The following KHDRBS2 variants were observed in gnomAD, a reference collection of about 807,000 sequenced individuals.
KHDRBS2 encodes the protein KH domain-containing, RNA-binding, signal transduction-associated protein 2.
KHDRBS2 carries 26 observed loss-of-function variants against 44.3 expected under a neutral mutation model. That is an observed-to-expected ratio of 0.59 (90% CI 0.43 to 0.81). The LOEUF (loss-of-function observed/expected upper bound fraction) is 0.81. KHDRBS2 is among the 40% of genes least tolerant of loss of function. The probability of loss-of-function intolerance (pLI) is 0.00; values close to 1 mark genes in which losing one functional copy is unlikely to be tolerated. For synonymous variants in KHDRBS2, 194 were observed against 151.1 expected (o/e 1.28, Z -2.08); for missense variants, 476 against 433.1 (o/e 1.10, Z -0.88).
At position 61,983,239 on chromosome 6, in the gene KHDRBS2, T is replaced by TCTTTC. The variant is rs1554304684; in HGVS notation, c.337-5028_337-5027insGAAAG. ...TTCTTTCTTTCTTTCTTTCTTTCTT[T>TCTTTC]TTTTTTTTTTTTTTTTTTATAGTGA... is the stretch of plus-strand genomic sequence containing the variant. On this transcript the variant is annotated intron_variant, in intron 3 of 8. Coordinates refer to ENST00000281156, the MANE Select transcript of KHDRBS2 (RefSeq NM_152688.4). Among the ~76,000 whole-genome samples, 137 of 83,200 alleles carry TCTTTC rather than the reference T, an allele frequency of 1.6e-3. 2 individuals are homozygous for TCTTTC. The highest frequency in any genetic ancestry group is 2.7e-3 in the Non-Finnish European group (108 of 39,500). 54.6% of individuals were successfully genotyped at this position (83,200 alleles called of 152,430 possible).
At chr6:62,032,030 G>A (rs1784422021) in intron 3 of KHDRBS2, among the ~76,000 whole-genome samples, 1 of 152,100 alleles carries the variant, frequency 6.6e-6, no homozygotes, top group Non-Finnish European at 1.5e-5. Context: ...AGGTGGCTTA[G>A]AAGAGAGACA....
At chr6:61,700,693 C>T (rs537321660) in intron 7 of KHDRBS2, among the ~76,000 whole-genome samples, 3 of 150,492 alleles carry the variant, frequency 2.0e-5, no homozygotes, top group East Asian at 2.0e-4. Context: ...GATCCTTTCC[C>T]GTTTAAGAAT....
At chr6:62,189,328 T>A (rs1824112892) in intron 1 of KHDRBS2, among the ~76,000 whole-genome samples, 1 of 151,568 alleles carries the variant, frequency 6.6e-6, no homozygotes, top group Non-Finnish European at 1.5e-5. Context: ...CCACCACTTC[T>A]TTTTTTTAAA....
rs147653605 is a variant in KHDRBS2, at chr6:61,893,005, T to A, written c.810+1630A>T. Among the ~76,000 whole-genome samples, 857 of 152,294 alleles carry A rather than the reference T, an allele frequency of 5.6e-3. 10 individuals are homozygous for A. Among genetic ancestry groups the A allele is most frequent in the African/African-American group, 0.019 (788 of 41,542 alleles). On this transcript the variant is annotated intron_variant, in intron 6 of 8. Transcript: ENST00000281156. Reference sequence around the variant, plus strand: ...AGAAAATTTTCACAACCTACTCATCTGACTAAGGGCTAATATCCAGAATCT... The same window carrying A: ...AGAAAATTTTCACAACCTACTCATCAGACTAAGGGCTAATATCCAGAATCT...
chr6:62,203,587 G>A lies in KHDRBS2; in HGVS notation c.92-26275C>T, dbSNP rs185358637. Reference sequence around the variant, plus strand: ...GAGGGAGGAGAACCAGGAGATTTGTGTAAGATGTTATGAGCTTGAGATGTT... The same window carrying A: ...GAGGGAGGAGAACCAGGAGATTTGTATAAGATGTTATGAGCTTGAGATGTT... On this transcript the variant is annotated intron_variant, in intron 1 of 8. Transcript: ENST00000281156. 5.9e-5 allele frequency among the ~76,000 whole-genome samples: 9 copies of A among 152,194 alleles called. No individual in the cohort carries two copies. The East Asian group carries it at 1.4e-3, about 23-fold the overall frequency.
At chr6:61,776,731 G>T (rs1782088687) in intron 6 of KHDRBS2, among the ~76,000 whole-genome samples, 1 of 152,154 alleles carries the variant, frequency 6.6e-6, no homozygotes, top group Non-Finnish European at 1.5e-5. Flanking sequence ...TCAGTGTGGC[G>T]ATTTCTCAGG....
chr6:62,132,534 G>T (rs970098562), intron 2 of KHDRBS2, among the ~76,000 whole-genome samples: 1 of 152,116 alleles, frequency 6.6e-6, no homozygotes, highest in Non-Finnish European at 1.5e-5. Flanking sequence ...TCCTTTAATG[G>T]ATTACATTTA....
At chr6:61,788,648 A>T (rs1454433152) in intron 6 of KHDRBS2, among the ~76,000 whole-genome samples, 2 of 151,286 alleles carry the variant, frequency 1.3e-5, no homozygotes, top group Non-Finnish European at 3.0e-5. Flanking sequence ...GTAAATTCAG[A>T]TAGGCTAATT....
intron 4 of KHDRBS2, among the ~76,000 whole-genome samples, chr6:61,958,183 C>T (rs1163348248): frequency 1.3e-5 from 2 of 152,138 alleles, no homozygotes; most frequent in Admixed American, 6.6e-5. Context: ...AGAAGACACA[C>T]AGAACAATAT....
In KHDRBS2 at chr6:62,246,505, A is replaced by G. The variant is rs143777091; in HGVS notation, c.91+39353T>C. Among the ~76,000 whole-genome samples, 380 of 152,182 alleles carry G rather than the reference A, an allele frequency of 2.5e-3. 3 individuals carry two copies. Among genetic ancestry groups the G allele is most frequent in the African/African-American group, 8.4e-3 (348 of 41,550 alleles). On this transcript the variant is annotated intron_variant, in intron 1 of 8. Coordinates refer to ENST00000281156, the MANE Select transcript of KHDRBS2 (RefSeq NM_152688.4). Reference sequence around the variant, plus strand: ...ACCCAATTCTGTTCTTGTTCTTTGCAGTGTACAGCTCACAAACTTTAAATA... The same window carrying G: ...ACCCAATTCTGTTCTTGTTCTTTGCGGTGTACAGCTCACAAACTTTAAATA...
downstream of KHDRBS2, among the ~76,000 whole-genome samples, chr6:61,675,852 T>A (rs185195902): frequency 5.7e-4 from 87 of 151,954 alleles, no homozygotes; most frequent in Middle Eastern, 3.4e-3. Flanking sequence ...TATGGGATCA[T>A]CTAACCAAGA....
chr6:61,642,794 A>G, the KHDRBS2 span, among the ~76,000 whole-genome samples: 2 of 152,134 alleles, frequency 1.3e-5, no homozygotes, highest in East Asian at 1.9e-4. Flanking sequence ...GTTCTAATCC[A>G]CTTTTGGAAC....
chr6:61,722,912 T>C (rs1455788638), intron 7 of KHDRBS2, among the ~76,000 whole-genome samples: 1 of 152,072 alleles, frequency 6.6e-6, no homozygotes, highest in Non-Finnish European at 1.5e-5. Context: ...GGTTTCACCA[T>C]GTTAGCCAGG....
intron 1 of KHDRBS2, among the ~76,000 whole-genome samples, chr6:62,270,641 A>AC (rs762720228): frequency 1.3e-5 from 2 of 151,996 alleles, no homozygotes; most frequent in Non-Finnish European, 2.9e-5. Flanking sequence ...CTATACAATT[A>AC]CCAAAACTCA....
chr6:62,020,493 T>C (rs1345568399), intron 3 of KHDRBS2, among the ~76,000 whole-genome samples: 1 of 152,030 alleles, frequency 6.6e-6, no homozygotes, highest in African/African-American at 2.4e-5. Context: ...TCAACTCTTC[T>C]CTATCCTTAA....
chr6:62,191,088 C>G (rs1824501448), intron 1 of KHDRBS2, among the ~76,000 whole-genome samples: 1 of 152,120 alleles, frequency 6.6e-6, no homozygotes, highest in South Asian at 2.1e-4. Context: ...GGTATCTGAA[C>G]TGTGTTTATT....
At chr6:61,894,976 T>C (rs1802679483) in intron 5 of KHDRBS2, 143 bp from the exon 6 acceptor site, 1 of 597,158 alleles carries the variant, frequency 1.7e-6, no homozygotes, top group Non-Finnish European at 2.9e-6. Context: ...TGTGTGTGTA[T>C]GCATTTAATA....
At chr6:61,633,568 T>C in the KHDRBS2 span, among the ~76,000 whole-genome samples, 1 of 152,112 alleles carries the variant, frequency 6.6e-6, no homozygotes. Flanking sequence ...GCACTTTTTC[T>C]ATTTTTCTGC....
intron 2 of KHDRBS2, among the ~76,000 whole-genome samples, chr6:62,052,205 T>C (rs139123759): frequency 6.6e-6 from 1 of 152,024 alleles, no homozygotes; most frequent in Non-Finnish European, 1.5e-5. Flanking sequence ...GTAGCATTAT[T>C]CATGATACTA....
Sources: gnomAD v4.1 joint callset for allele counts (sites outside exome capture counted in the v4.1 genomes callset) on GRCh38, gnomAD v4.1.1 for gene constraint, MANE v1.5 for transcripts, NCBI Gene and HGNC (gene_info 2026-07-23, HGNC 2026-07-21) for gene names.